The following SLIT2 variants were observed in gnomAD, a reference collection of about 807,000 sequenced individuals.
SLIT2 encodes slit guidance ligand 2.
A neutral mutation model predicts 185.7 loss-of-function variants in SLIT2; 41 were observed. The ratio of observed to expected loss-of-function variants is 0.22; its 90% CI spans 0.17 to 0.29. SLIT2 has a LOEUF of 0.29. Ranked by LOEUF, SLIT2 falls within the 10% of genes least tolerant of loss-of-function variation. The probability of loss-of-function intolerance (pLI) is 1.00; values close to 1 mark genes in which losing one functional copy is unlikely to be tolerated. For missense variants in SLIT2, 1,571 were observed against 1,909.0 expected, an observed-to-expected ratio of 0.82 and a Z score of 3.30; for synonymous variants, 693 against 680.2, an observed-to-expected ratio of 1.02 and a Z score of -0.29.
chr4:20,519,787 C>T (rs978330284), intron 12 of SLIT2, among the ~76,000 whole-genome samples: 1 of 151,836 alleles, frequency 6.6e-6, no homozygotes, highest in Non-Finnish European at 1.5e-5. Context: ...ATGGTGATCA[C>T]TTTGGGAGGC....
intron 6 of SLIT2, among the ~76,000 whole-genome samples, chr4:20,482,957 A>G (rs1054836855): frequency 6.6e-6 from 1 of 151,996 alleles, no homozygotes; most frequent in Non-Finnish European, 1.5e-5. Context: ...GTGAAATACA[A>G]CAAAAGTTTA....
At chr4:20,294,796 A>G (rs1415623915) in intron 4 of SLIT2, among the ~76,000 whole-genome samples, 2 of 152,196 alleles carry the variant, frequency 1.3e-5, no homozygotes, top group Non-Finnish European at 2.9e-5. Context: ...GGTTCATAAA[A>G]CAGGCCATCT....
At chr4:20,333,602 T>C (rs1447937551) in intron 4 of SLIT2, among the ~76,000 whole-genome samples, 1 of 152,148 alleles carries the variant, frequency 6.6e-6, no homozygotes, top group Non-Finnish European at 1.5e-5. Flanking sequence ...GTTTTTAAAA[T>C]CTGTTAACTG....
Position 20,589,664 on chromosome 4 carries a change from C to G in SLIT2, c.3109C>G (p.Leu1037Val), listed in dbSNP as rs1433525936. 1.9e-6 allele frequency: 3 copies of G among 1,613,824 alleles called. No individual in the cohort carries two copies. The highest frequency in any genetic ancestry group is 2.7e-5 in the African/African-American group (2 of 74,912). The change falls in exon 30 of 37, where the codon CTG (leucine) becomes GTG (valine). Residue 1037 changes from leucine (L) to valine (V), a missense_variant. Transcript: ENST00000504154. ...EYTGELCEEK[L>V]DFCAQDLNPC... is the part of the protein sequence containing the mutation. ...TGCAGGTGAGTTGTGTGAGGAGAAG[C>G]TGGACTTCTGTGCCCAGGACCTGAA...
At chr4:20,462,341 T>C (rs1188334717) in intron 4 of SLIT2, among the ~76,000 whole-genome samples, 1 of 152,202 alleles carries the variant, frequency 6.6e-6, no homozygotes, top group African/African-American at 2.4e-5. Context: ...TGCCTGAGCA[T>C]TTGCAGTATC....
intron 2 of SLIT2, among the ~76,000 whole-genome samples, chr4:20,257,359 C>G (rs1711957911): frequency 6.6e-6 from 1 of 151,916 alleles, no homozygotes; most frequent in African/African-American, 2.4e-5. Context: ...TTGTTCTCAC[C>G]CACAGGATTG....
At chr4:20,588,842 G>A (rs1302316519) in intron 29 of SLIT2, among the ~76,000 whole-genome samples, 1 of 152,126 alleles carries the variant, frequency 6.6e-6, no homozygotes, top group Non-Finnish European at 1.5e-5. Flanking sequence ...GTTGATAGAA[G>A]TTCTATTTCA....
chr4:20,404,989 A>G (rs1310590493), intron 4 of SLIT2, among the ~76,000 whole-genome samples: 1 of 150,552 alleles, frequency 6.6e-6, no homozygotes, highest in Non-Finnish European at 1.5e-5. Flanking sequence ...AAAAGATTTT[A>G]TTTGTATATA....
intron 4 of SLIT2, among the ~76,000 whole-genome samples, chr4:20,291,195 C>T (rs1358899753): frequency 6.6e-6 from 1 of 151,994 alleles, no homozygotes; most frequent in African/African-American, 2.4e-5. Flanking sequence ...GCATGTCTTG[C>T]ACTTGTGTGA....
chr4:20,583,734 A>G (rs1202634020), intron 29 of SLIT2, among the ~76,000 whole-genome samples: 1 of 152,012 alleles, frequency 6.6e-6, no homozygotes, highest in East Asian at 1.9e-4. Context: ...GTTTGAACCC[A>G]GGAGGCAGAG....
intron 14 of SLIT2, 74 bp from the exon 15 acceptor site, chr4:20,525,075 A>G (rs1721165879): frequency 3.6e-6 from 4 of 1,096,466 alleles, no homozygotes; most frequent in Non-Finnish European, 5.6e-6. Flanking sequence ...TCCATTCTTA[A>G]TCTAATATAA....
chr4:20,428,575 G>A (rs1001238135), intron 4 of SLIT2, among the ~76,000 whole-genome samples: 2 of 152,026 alleles, frequency 1.3e-5, no homozygotes, highest in African/African-American at 4.8e-5. Context: ...AAAAAGGTTG[G>A]GTTCTATAAT....
rs533706134 is a variant in SLIT2, at chr4:20,450,972, C to G, written c.396-16780C>G. Among the ~76,000 whole-genome samples the G allele has an allele frequency of 7.0e-4, 106 of 152,278 alleles. No homozygotes were observed. In the South Asian group the frequency reaches 0.014, roughly 20 times the overall value. ...TGGCTCAGAATGATCTATCTTACAA[C>G]AAATGACAATATGCAAATTCAGTCA... On this transcript the variant is annotated intron_variant, in intron 4 of 36. Coordinates refer to ENST00000504154, the MANE Select transcript of SLIT2 (RefSeq NM_004787.4).
chr4:20,533,226 C>G (rs964658094), intron 17 of SLIT2, among the ~76,000 whole-genome samples: 1 of 152,206 alleles, frequency 6.6e-6, no homozygotes, highest in Non-Finnish European at 1.5e-5. Flanking sequence ...TAACATTTGA[C>G]AATTTTAATC....
At chr4:20,536,254 G>T (rs1410096483) in intron 18 of SLIT2, among the ~76,000 whole-genome samples, 1 of 152,016 alleles carries the variant, frequency 6.6e-6, no homozygotes, top group Non-Finnish European at 1.5e-5. Context: ...ACTAACATAG[G>T]CTTTATAAAC....
intron 3 of SLIT2, among the ~76,000 whole-genome samples, chr4:20,263,992 C>T (rs2109020260): frequency 6.6e-6 from 1 of 151,952 alleles, no homozygotes; most frequent in East Asian, 1.9e-4. Flanking sequence ...TGAAGAAAAG[C>T]TTAACAACCC....
chr4:20,291,235 A>G (rs1715784118), intron 4 of SLIT2, among the ~76,000 whole-genome samples: 1 of 151,934 alleles, frequency 6.6e-6, no homozygotes, highest in African/African-American at 2.4e-5. Flanking sequence ...TCGTTCCTGG[A>G]AAAGCATTCA....
intron 4 of SLIT2, among the ~76,000 whole-genome samples, chr4:20,460,614 C>T (rs955431537): frequency 1.2e-4 from 18 of 152,142 alleles, no homozygotes; most frequent in Non-Finnish European, 2.2e-4. Flanking sequence ...ATTTGACCAA[C>T]GTCTCCCCAA....
intron 26 of SLIT2, among the ~76,000 whole-genome samples, chr4:20,556,531 C>T (rs1262855722): frequency 1.3e-5 from 2 of 152,000 alleles, no homozygotes; most frequent in African/African-American, 2.4e-5. Context: ...TCACAGTTTA[C>T]ACTAATTTGT....
Sources: allele counts gnomAD v4.1 joint callset (sites outside exome capture counted in the v4.1 genomes callset), GRCh38; gene constraint gnomAD v4.1.1; transcripts MANE v1.5; gene names NCBI Gene and HGNC (gene_info 2026-07-23, HGNC 2026-07-21).